Variants in MGAT4C observed in about 807,000 individuals in gnomAD.
MGAT4C encodes the protein alpha-1,3-mannosyl-glycoprotein 4-beta-N-acetylglucosaminyltransferase C.
In MGAT4C, 19 loss-of-function variants were observed where a neutral mutation model predicts 40.1. That is an observed-to-expected ratio of 0.47 (90% CI 0.33 to 0.70). The LOEUF is 0.70. Ranked by LOEUF, MGAT4C falls within the 30% of genes least tolerant of loss-of-function variation. The pLI, the probability that MGAT4C is intolerant of heterozygous loss-of-function variation, is 0.02. For missense variants in MGAT4C, 491 were observed against 563.2 expected (o/e 0.87, Z 1.30); for synonymous variants, 181 against 187.1 (o/e 0.97, Z 0.27).
At chr12:86,171,942 T>C (rs1886897009) in intron 1 of MGAT4C, among the ~76,000 whole-genome samples, 1 of 152,204 alleles carries the variant, frequency 6.6e-6, no homozygotes, top group African/African-American at 2.4e-5. Context: ...TGAAAAGCTG[T>C]AAAGTTGAGT....
intron 2 of MGAT4C, among the ~76,000 whole-genome samples, chr12:85,991,673 C>G (rs900891467): frequency 6.6e-6 from 1 of 152,156 alleles, no homozygotes; most frequent in South Asian, 2.1e-4. Flanking sequence ...ACATTACAGG[C>G]ATGAATCTGA....
chr12:86,712,289 CA>C (rs574111806), intron 2 of MGAT4C, among the ~76,000 whole-genome samples: 1 of 151,872 alleles, frequency 6.6e-6, no homozygotes, highest in Non-Finnish European at 1.5e-5. Context: ...CATTCCAACT[CA>C]AAAAAATATA....
At chr12:86,253,009 A>G (rs1305377175) in intron 1 of MGAT4C, among the ~76,000 whole-genome samples, 9 of 151,972 alleles carry the variant, frequency 5.9e-5, no homozygotes, top group Non-Finnish European at 1.3e-4. Flanking sequence ...CCCAAATATA[A>G]TGTAAAAATC....
chr12:86,128,375 T>C (rs937645759), intron 1 of MGAT4C, among the ~76,000 whole-genome samples: 2 of 152,086 alleles, frequency 1.3e-5, no homozygotes, highest in African/African-American at 4.8e-5. Context: ...CCCATACCGT[T>C]CTCATGGTAG....
Position 86,508,597 on chromosome 12 carries a change from T to TTCTA in MGAT4C, c.-228-73333_-228-73332insTAGA, listed in dbSNP as rs778354040. ...CCAGTAATGGGATGGCTGGGTCAAA[T>TTCTA]GGTATTTCTAGTTCTAGATCCCTGA... On this transcript the variant is annotated intron_variant, in intron 2 of 7. Coordinates refer to the MGAT4C transcript ENST00000548651. Among the ~76,000 whole-genome samples, 806 of 152,138 alleles carry TTCTA rather than the reference T, an allele frequency of 5.3e-3. 2 individuals carry two copies. Among genetic ancestry groups the TTCTA allele is most frequent in the Non-Finnish European group, 8.3e-3 (566 of 68,014 alleles).
At chr12:86,777,221 A>C (rs2136177631) in intron 1 of MGAT4C, among the ~76,000 whole-genome samples, 1 of 152,318 alleles carries the variant, frequency 6.6e-6, no homozygotes, top group South Asian at 2.1e-4. Flanking sequence ...TGAAGTATAT[A>C]TTCATTGTGG....
intron 2 of MGAT4C, among the ~76,000 whole-genome samples, chr12:86,025,567 C>A (rs1890169238): frequency 6.6e-6 from 1 of 151,454 alleles, no homozygotes; most frequent in South Asian, 2.1e-4. Flanking sequence ...TATGTTGTTT[C>A]AAATATTTAT....
chr12:86,417,297 A>G (rs1956738036), intron 3 of MGAT4C, among the ~76,000 whole-genome samples: 1 of 152,152 alleles, frequency 6.6e-6, no homozygotes, highest in African/African-American at 2.4e-5. Flanking sequence ...AATGACCAAT[A>G]GAATGACCAC....
intron 4 of MGAT4C, among the ~76,000 whole-genome samples, chr12:86,272,697 C>CA (rs1452352207): frequency 5.3e-5 from 8 of 151,788 alleles, no homozygotes; most frequent in Non-Finnish European, 1.2e-4. Context: ...CAAACAAATA[C>CA]AAAAATTAGC....
chr12:86,559,946 G>C (rs1308174390), intron 2 of MGAT4C, among the ~76,000 whole-genome samples: 1 of 151,848 alleles, frequency 6.6e-6, no homozygotes, highest in Non-Finnish European at 1.5e-5. Flanking sequence ...GAAGGCCCAA[G>C]TAAATAAAAT....
At chr12:86,814,005 G>GT (rs1388529361) in intron 1 of MGAT4C, among the ~76,000 whole-genome samples, 3 of 151,760 alleles carry the variant, frequency 2.0e-5, no homozygotes, top group African/African-American at 4.8e-5. Flanking sequence ...CCGCCACCCA[G>GT]GTTCAAGCAA....
At chr12:86,575,834 A>G (rs1960537002) in intron 2 of MGAT4C, among the ~76,000 whole-genome samples, 1 of 151,844 alleles carries the variant, frequency 6.6e-6, no homozygotes, top group Non-Finnish European at 1.5e-5. Context: ...AACAATGCAC[A>G]ATGTCCCCAT....
intron 2 of MGAT4C, among the ~76,000 whole-genome samples, chr12:86,695,495 T>C (rs979651033): frequency 3.3e-5 from 5 of 152,190 alleles, no homozygotes; most frequent in African/African-American, 1.2e-4. Flanking sequence ...CTGTTCACAA[T>C]AGCAAAAATT....
At chr12:86,513,121 TATA>T in intron 2 of MGAT4C, among the ~76,000 whole-genome samples, 1 of 152,120 alleles carries the variant, frequency 6.6e-6, no homozygotes, top group Non-Finnish European at 1.5e-5. Flanking sequence ...CCACAATTCT[TATA>T]ATACTTTGCA....
chr12:86,172,602 A>C (rs1255073430), intron 1 of MGAT4C, among the ~76,000 whole-genome samples: 2 of 152,126 alleles, frequency 1.3e-5, no homozygotes, highest in African/African-American at 4.8e-5. Flanking sequence ...TAGAGCTAAA[A>C]TATGCCACAT....
At chr12:86,157,767 T>C (rs777939461) in intron 1 of MGAT4C, among the ~76,000 whole-genome samples, 7 of 152,066 alleles carry the variant, frequency 4.6e-5, no homozygotes, top group Non-Finnish European at 8.8e-5. Flanking sequence ...TGCCACACTT[T>C]TAAACAACCA....
chr12:86,113,615 A>T (rs1370141857), intron 1 of MGAT4C, among the ~76,000 whole-genome samples: 2 of 151,906 alleles, frequency 1.3e-5, no homozygotes, highest in East Asian at 1.9e-4. Flanking sequence ...GGAGATTTGG[A>T]GTATTGTGAG....
At chr12:86,112,659 G>A (rs1877661206) in intron 1 of MGAT4C, among the ~76,000 whole-genome samples, 1 of 151,682 alleles carries the variant, frequency 6.6e-6, no homozygotes, top group Admixed American at 6.6e-5. Flanking sequence ...TAATAAAAAG[G>A]ACACATACAA....
At chr12:86,446,662 T>TATAC (rs1452111555) in intron 2 of MGAT4C, among the ~76,000 whole-genome samples, 1 of 50,950 alleles carries the variant, frequency 2.0e-5, no homozygotes, top group African/African-American at 6.6e-5. Flanking sequence ...GTAACTCATA[T>TATAC]ATATATATAT....
Sources: gnomAD v4.1 joint callset for allele counts (sites outside exome capture counted in the v4.1 genomes callset) on GRCh38, gnomAD v4.1.1 for gene constraint, MANE v1.5 for transcripts, NCBI Gene and HGNC (gene_info 2026-07-23, HGNC 2026-07-21) for gene names.